RORA: variants seen among roughly 807,000 people sequenced by gnomAD.
RORA encodes nuclear receptor ROR-alpha.
In RORA, 7 loss-of-function variants were observed where a neutral mutation model predicts 69.5. The observed-to-expected ratio is 0.10, with a 90% confidence interval of 0.06 to 0.19. The LOEUF (loss-of-function observed/expected upper bound fraction) is 0.19, where lower values mean the gene tolerates loss of function less well. Among genes scored for constraint, RORA ranks in the 10% least tolerant of loss-of-function variants. The pLI is 1.00. For synonymous variants in RORA, 261 were observed against 240.8 expected (o/e 1.08, Z -0.78); for missense variants, 457 against 663.0 (o/e 0.69, Z 3.41).
intron 1 of RORA, among the ~76,000 whole-genome samples, chr15:60,738,883 CCT>C (rs2140846466): frequency 6.6e-6 from 1 of 152,326 alleles, no homozygotes; most frequent in South Asian, 2.1e-4. Context: ...TTCTCAAAGT[CCT>C]CTGTCTTGTG....
chr15:60,963,407 G>A (rs888228002), intron 1 of RORA, among the ~76,000 whole-genome samples: 1 of 152,198 alleles, frequency 6.6e-6, no homozygotes, highest in Non-Finnish European at 1.5e-5. Context: ...GATGGAGGTG[G>A]ATGATGGAAG....
chr15:61,158,512 T>C (rs1451919224), intron 1 of RORA, among the ~76,000 whole-genome samples: 1 of 152,220 alleles, frequency 6.6e-6, no homozygotes, highest in South Asian at 2.1e-4. Context: ...AGCTCATTAC[T>C]TCCTAGGTGG....
intron 5 of RORA, among the ~76,000 whole-genome samples, chr15:60,509,839 A>G (rs2141310287): frequency 6.6e-6 from 1 of 151,744 alleles, no homozygotes; most frequent in East Asian, 1.9e-4. Flanking sequence ...CTTGGCTTCT[A>G]GTTCAGAGGT....
intron 1 of RORA, among the ~76,000 whole-genome samples, chr15:61,018,440 T>C (rs149779906): frequency 1.4e-3 from 213 of 152,284 alleles, no homozygotes; most frequent in Non-Finnish European, 1.1e-3. Flanking sequence ...GTATGGAAAG[T>C]ACTTTATAAA....
At chr15:60,734,737 T>C (rs556731383) in intron 1 of RORA, among the ~76,000 whole-genome samples, 1 of 152,334 alleles carries the variant, frequency 6.6e-6, no homozygotes, top group Admixed American at 6.5e-5. Context: ...AGATACAGTA[T>C]ACTCTTCCAA....
chr15:60,965,255 C>T (rs1230990240), intron 1 of RORA, among the ~76,000 whole-genome samples: 1 of 152,046 alleles, frequency 6.6e-6, no homozygotes, highest in Admixed American at 6.5e-5. Flanking sequence ...GCTCATGGTC[C>T]ACCCTTCCTT....
intron 1 of RORA, among the ~76,000 whole-genome samples, chr15:61,150,902 T>C (rs529514098): frequency 1.3e-5 from 2 of 152,366 alleles, no homozygotes; most frequent in African/African-American, 4.8e-5. Flanking sequence ...GCTTTCATTT[T>C]TTAAATTAAT....
intron 1 of RORA, among the ~76,000 whole-genome samples, chr15:60,946,263 C>T (rs1403473676): frequency 6.7e-6 from 1 of 149,112 alleles, no homozygotes; most frequent in Non-Finnish European, 1.5e-5. Context: ...TCTCTCCCTC[C>T]TTCTCCCCAC....
chr15:60,838,222 C>G (rs1436341461), intron 1 of RORA, among the ~76,000 whole-genome samples: 3 of 152,132 alleles, frequency 2.0e-5, no homozygotes, highest in Non-Finnish European at 4.4e-5. Context: ...CACACCAGAC[C>G]TTAGAGTCTG....
chr15:60,979,285 T>TA (rs797012902), intron 1 of RORA, among the ~76,000 whole-genome samples: 1 of 138,682 alleles, frequency 7.2e-6, no homozygotes, highest in South Asian at 2.2e-4. Context: ...TTTTTTTTTT[T>TA]TTTTTTCCAA....
At chr15:60,712,244 C>G (rs1431115059) in intron 1 of RORA, among the ~76,000 whole-genome samples, 3 of 152,154 alleles carry the variant, frequency 2.0e-5, no homozygotes, top group African/African-American at 7.2e-5. Flanking sequence ...GATTGTCTAA[C>G]ATTTTTAAAA....
intron 1 of RORA, among the ~76,000 whole-genome samples, chr15:60,846,865 T>G (rs1161537876): frequency 1.3e-5 from 2 of 152,246 alleles, no homozygotes; most frequent in African/African-American, 4.8e-5. Flanking sequence ...CTAGACTTTA[T>G]GCAAAACCAC....
intron 2 of RORA, among the ~76,000 whole-genome samples, chr15:60,653,298 C>T (rs1221847223): frequency 6.8e-6 from 1 of 147,482 alleles, no homozygotes; most frequent in African/African-American, 2.5e-5. Flanking sequence ...CAGGTGCATG[C>T]GTGTGTGTGT....
intron 2 of RORA, among the ~76,000 whole-genome samples, chr15:60,638,393 T>C (rs1013819865): frequency 6.6e-5 from 10 of 151,500 alleles, no homozygotes; most frequent in African/African-American, 2.2e-4. Context: ...TTTCTTTTTT[T>C]TTTTTTTTTG....
At chr15:60,672,535 C>T (rs1307047510) in intron 2 of RORA, among the ~76,000 whole-genome samples, 1 of 152,168 alleles carries the variant, frequency 6.6e-6, no homozygotes, top group Non-Finnish European at 1.5e-5. Flanking sequence ...CAGTGCCCCA[C>T]AAGTATTAGT....
intron 1 of RORA, among the ~76,000 whole-genome samples, chr15:61,124,598 G>T (rs750225880): frequency 2.6e-5 from 4 of 152,202 alleles, no homozygotes; most frequent in South Asian, 2.1e-4. Flanking sequence ...GCAATGCCTT[G>T]TCTATATTTA....
intron 1 of RORA, among the ~76,000 whole-genome samples, chr15:61,193,378 C>G (rs2079818627): frequency 6.6e-6 from 1 of 152,314 alleles, no homozygotes. Flanking sequence ...AAGGAGGTGT[C>G]ACATGAACCA....
At chr15:61,220,896 C>T (rs1028824050) in intron 1 of RORA, among the ~76,000 whole-genome samples, 11 of 152,188 alleles carry the variant, frequency 7.2e-5, no homozygotes, top group Admixed American at 7.2e-4. Context: ...AGTCTCTTTT[C>T]CCTCTAGAGG....
chr15:60,592,023 G>A (rs1296116984), intron 2 of RORA, among the ~76,000 whole-genome samples: 3 of 152,002 alleles, frequency 2.0e-5, no homozygotes, highest in Non-Finnish European at 2.9e-5. Flanking sequence ...GGGCGTCCCC[G>A]GCTTCCTCTG....
Sources: gnomAD v4.1 joint callset for allele counts (sites outside exome capture counted in the v4.1 genomes callset) on GRCh38, gnomAD v4.1.1 for gene constraint, MANE v1.5 for transcripts, NCBI Gene and HGNC (gene_info 2026-07-23, HGNC 2026-07-21) for gene names.